Variants in C12orf50 observed in about 807,000 individuals in gnomAD.
C12orf50 encodes zinc finger CCCH-type containing 11D.
C12orf50 carries 35 observed loss-of-function variants against 61.6 expected under a neutral mutation model. The ratio of observed to expected loss-of-function variants is 0.57; its 90% CI spans 0.43 to 0.75. The LOEUF (loss-of-function observed/expected upper bound fraction) is 0.75. Among genes scored for constraint, C12orf50 ranks in the 30% least tolerant of loss-of-function variants. C12orf50 has a pLI of 0.00. For missense variants in C12orf50, 475 were observed against 488.5 expected, an observed-to-expected ratio of 0.97 and a Z score of 0.26; for synonymous variants, 178 against 161.5, an observed-to-expected ratio of 1.10 and a Z score of -0.77.
chr12:88,023,167 C>G (rs949571946), intron 3 of C12orf50, among the ~76,000 whole-genome samples: 3 of 151,930 alleles, frequency 2.0e-5, no homozygotes, highest in African/African-American at 7.3e-5. Context: ...ACACATAGAC[C>G]AATGGAATAG....
At chr12:88,026,888 A>G (rs2032726168) in intron 2 of C12orf50, 63 bp downstream of exon 2, 2 of 1,564,354 alleles carry the variant, frequency 1.3e-6, no homozygotes, top group Non-Finnish European at 1.7e-6. Flanking sequence ...TTGAAAAAGT[A>G]TAATTCAGCA....
chr12:87,997,444 G>A (rs2031448237), intron 4 of C12orf50, among the ~76,000 whole-genome samples: 1 of 151,628 alleles, frequency 6.6e-6, no homozygotes. Flanking sequence ...TTAAGTTCTG[G>A]GATACATGTA....
intron 7 of C12orf50, among the ~76,000 whole-genome samples, chr12:87,989,776 A>T (rs2031031690): frequency 1.3e-5 from 2 of 152,160 alleles, no homozygotes; most frequent in African/African-American, 4.8e-5. Context: ...TAGTTGCTTT[A>T]AATGTTACAT....
intron 11 of C12orf50, chr12:87,985,643 T>C: frequency 1.7e-6 from 1 of 604,344 alleles, no homozygotes; most frequent in East Asian, 2.8e-5. Flanking sequence ...TGAAGTCATC[T>C]GCACACAACA....
At chr12:88,010,852 T>C (rs2032082801) in intron 3 of C12orf50, among the ~76,000 whole-genome samples, 1 of 152,092 alleles carries the variant, frequency 6.6e-6, no homozygotes, top group South Asian at 2.1e-4. Context: ...CTTCAGACAC[T>C]GGTTAAGTTT....
intron 3 of C12orf50, among the ~76,000 whole-genome samples, chr12:88,015,917 G>GT (rs2032295035): frequency 6.6e-6 from 1 of 152,108 alleles, no homozygotes; most frequent in Non-Finnish European, 1.5e-5. Context: ...GTAACTGGCA[G>GT]TTTTATACCC....
intron 2 of C12orf50, 89 bp from the exon 3 acceptor site, chr12:88,026,697 A>G: frequency 6.7e-7 from 1 of 1,493,104 alleles, no homozygotes; most frequent in Non-Finnish European, 9.1e-7. Context: ...CAAGGACACA[A>G]AAACAATTAT....
At chr12:87,989,199 G>A (rs2030996343) in intron 8 of C12orf50, 65 bp downstream of exon 8, 1 of 1,133,838 alleles carries the variant, frequency 8.8e-7, no homozygotes, top group African/African-American at 1.6e-5. Flanking sequence ...TTTATAACAA[G>A]CAAGCTTGTC....
chr12:88,010,406 A>T (rs1004395776), intron 3 of C12orf50, among the ~76,000 whole-genome samples: 1 of 106,072 alleles, frequency 9.4e-6, no homozygotes, highest in Admixed American at 8.1e-5. Context: ...ATCTTATAAT[A>T]AGATTATAAG....
At chr12:88,027,185 GAT>G in intron 1 of C12orf50, 115 bp from the exon 2 acceptor site, 2 of 1,066,718 alleles carry the variant, frequency 1.9e-6, no homozygotes, top group Non-Finnish European at 2.5e-6. Flanking sequence ...GAATCACAAA[GAT>G]ATACACTATC....
At chr12:88,022,014 C>A (rs1242036715) in intron 3 of C12orf50, among the ~76,000 whole-genome samples, 6 of 151,802 alleles carry the variant, frequency 4.0e-5, no homozygotes, top group Middle Eastern at 6.8e-3. Context: ...CATTCTGATA[C>A]CAAAATGTGG....
intron 1 of C12orf50, 47 bp from the exon 2 acceptor site, chr12:88,027,117 A>C (rs984478655): frequency 1.3e-6 from 2 of 1,522,562 alleles, no homozygotes; most frequent in African/African-American, 1.4e-5. Context: ...TGTTGACATT[A>C]GTGTTCAACA....
At chr12:87,988,087 T>A in intron 8 of C12orf50, 121 bp from the exon 9 acceptor site, 1 of 457,500 alleles carries the variant, frequency 2.2e-6, no homozygotes, top group Admixed American at 4.1e-5. Flanking sequence ...AATATATATA[T>A]TTATGAATTG....
intron 2 of C12orf50, 52 bp from the exon 3 acceptor site, chr12:88,026,660 A>G: frequency 6.3e-7 from 1 of 1,595,926 alleles, no homozygotes; most frequent in East Asian, 2.2e-5. Context: ...CATATTTACA[A>G]CAAATACAAT....
At chr12:87,987,615 A>C (rs1481539888) in intron 9 of C12orf50, among the ~76,000 whole-genome samples, 1 of 152,202 alleles carries the variant, frequency 6.6e-6, no homozygotes, top group African/African-American at 2.4e-5. Flanking sequence ...GTAGTGTATT[A>C]TTCATTTTAA....
intron 3 of C12orf50, among the ~76,000 whole-genome samples, chr12:88,015,694 G>T (rs527355801): frequency 6.6e-6 from 1 of 152,248 alleles, no homozygotes; most frequent in African/African-American, 2.4e-5. Flanking sequence ...AAAATGTCTA[G>T]GGAATTTTTA....
intron 11 of C12orf50, chr12:87,984,497 T>A (rs1268998127): frequency 6.6e-6 from 1 of 152,160 alleles, no homozygotes; most frequent in Non-Finnish European, 1.5e-5. Flanking sequence ...ACAGCCCAAG[T>A]CCCATGTCCT....
At chr12:88,009,988 A>T (rs1293961906) in intron 3 of C12orf50, among the ~76,000 whole-genome samples, 1 of 152,000 alleles carries the variant, frequency 6.6e-6, no homozygotes, top group East Asian at 1.9e-4. Context: ...ATTTGTATCT[A>T]TTGTGTGAGA....
At chr12:87,990,834 C>A (rs1476485639) in intron 7 of C12orf50, among the ~76,000 whole-genome samples, 1 of 151,460 alleles carries the variant, frequency 6.6e-6, no homozygotes, top group African/African-American at 2.5e-5. Context: ...CTGAAATAGG[C>A]ATAAAACTCC....
Sources: gnomAD v4.1 joint callset for allele counts (sites outside exome capture counted in the v4.1 genomes callset) on GRCh38, gnomAD v4.1.1 for gene constraint, MANE v1.5 for transcripts, NCBI Gene and HGNC (gene_info 2026-07-23, HGNC 2026-07-21) for gene names.